NFS1: variants seen among roughly 807,000 people sequenced by gnomAD.
NFS1 encodes cysteine desulfurase.
A neutral mutation model predicts 57.3 loss-of-function variants in NFS1; 26 were observed. The ratio of observed to expected loss-of-function variants is 0.45; its 90% CI spans 0.33 to 0.63. The LOEUF is 0.63. NFS1 is among the 20% of genes least tolerant of loss of function. The pLI is 0.02. For synonymous variants in NFS1, 209 were observed against 216.3 expected (o/e 0.97, Z 0.30); for missense variants, 505 against 605.8 (o/e 0.83, Z 1.75).
chr20:35,668,745 T>G lies in NFS1; in HGVS notation c.*877A>C, dbSNP rs912230040. On this transcript the variant is annotated 3_prime_UTR_variant, in exon 13 of 13. Coordinates refer to ENST00000374092, the MANE Select transcript of NFS1 (RefSeq NM_021100.5). ...TATTTTCCATCTCTCCACTAAAATT[T>G]AAAACTCAGTGAGGGCAGGGTCTTT... The G allele has an allele frequency of 1.3e-5, 2 of 152,258 alleles. No homozygotes were observed. The highest frequency in any genetic ancestry group is 2.9e-5 in the Non-Finnish European group (2 of 68,050). 9.4% of individuals were successfully genotyped at this position (152,258 alleles called of 1,614,324 possible).
In NFS1 at chr20:35,692,361, G is replaced by A. The variant is rs763789252; in HGVS notation, c.409-1796C>T. The A allele has an allele frequency of 4.7e-5, 10 of 210,708 alleles. No homozygotes were observed. The South Asian group carries it at 5.9e-4, about 12-fold the overall frequency. The allele number at this position is 210,708 out of a possible 1,614,324, so 13.1% of individuals were successfully genotyped here. On this transcript the variant is annotated intron_variant, in intron 4 of 12. Coordinates refer to ENST00000374092, the MANE Select transcript of NFS1 (RefSeq NM_021100.5). ...TACACTCTAGCCTGGGCGACAGGGT[G>A]AGACTCCATCTCAAAATAAATAAAT... is the stretch of plus-strand genomic sequence containing the variant.
chr20:35,698,357 G>T, intron 2 of NFS1, 124 bp downstream of exon 2: 2 of 747,022 alleles, frequency 2.7e-6, no homozygotes, highest in Non-Finnish European at 2.2e-6. Flanking sequence ...CCGACTCCTC[G>T]CTCAGTGCTT....
rs999504503 is a variant in NFS1, at chr20:35,696,253, C to T, written c.408+124G>A. 4 of 710,170 alleles carry T rather than the reference C, an allele frequency of 5.6e-6. No individual in the cohort carries two copies. The African/African-American group carries it at 7.0e-5, about 13-fold the overall frequency. The allele number at this position is 710,170 out of a possible 1,614,324, so 44.0% of individuals were successfully genotyped here. On this transcript the variant is annotated intron_variant, in intron 4 of 12. Coordinates refer to ENST00000374092, the MANE Select transcript of NFS1 (RefSeq NM_021100.5). ...AGCAACAAATCAGAAAGACTGCAAG[C>T]CTTCTCTTCACAATGGGGTGGGGAT...
At chr20:35,679,794 A>G (rs549982147) in intron 7 of NFS1, among the ~76,000 whole-genome samples, 2 of 152,258 alleles carry the variant, frequency 1.3e-5, no homozygotes, top group East Asian at 3.9e-4. Context: ...CAGCACAGAC[A>G]TCAACCCAAA....
intron 4 of NFS1, among the ~76,000 whole-genome samples, chr20:35,694,311 G>A (rs1246060237): frequency 6.6e-6 from 1 of 151,994 alleles, no homozygotes; most frequent in African/African-American, 2.4e-5. Flanking sequence ...CACCCAGGTA[G>A]TTTTTGCATT....
intron 4 of NFS1, among the ~76,000 whole-genome samples, chr20:35,692,653 C>T (rs531470843): frequency 6.6e-6 from 1 of 150,460 alleles, no homozygotes; most frequent in African/African-American, 2.4e-5. Context: ...TGAGATCTGG[C>T]TACTGCACTC....
At chr20:35,674,282 A>G (rs1980451130) in intron 10 of NFS1, 68 bp downstream of exon 10, 3 of 1,219,854 alleles carry the variant, frequency 2.5e-6, no homozygotes, top group Admixed American at 3.4e-5. Flanking sequence ...CACACTGGGA[A>G]GTTTAATAGC....
intron 4 of NFS1, among the ~76,000 whole-genome samples, chr20:35,691,700 T>C (rs1413614551): frequency 7.4e-6 from 1 of 134,522 alleles, no homozygotes. Context: ...AAGAGTGCTA[T>C]TGCACTCCAG....
Position 35,680,771 on chromosome 20 carries a change from C to A in NFS1, c.756G>T (p.Met252Ile), listed in dbSNP as rs1339350428. Residue 252 changes from methionine (M) to isoleucine (I), a missense_variant, in exon 7 of 13, where the codon ATG (methionine) becomes ATT (isoleucine). Transcript: ENST00000374092. Reference protein sequence around the residue: ...LDVNDMKIDLMSISGHKIYGP... With the variant: ...LDVNDMKIDLISISGHKIYGP... ...CGTAGATTTTGTGACCACTAATGCT[C>A]ATGAGATCAATTTTCATGTCATTGA... 2 of 1,570,716 alleles carry A rather than the reference C, an allele frequency of 1.3e-6. No individual in the cohort carries two copies. The highest frequency in any genetic ancestry group is 2.7e-5 in the African/African-American group (2 of 72,814).
At chr20:35,697,917 AGAG>A (rs1251439865) in intron 2 of NFS1, 117 bp from the exon 3 acceptor site, 3 of 637,186 alleles carry the variant, frequency 4.7e-6, no homozygotes, top group Non-Finnish European at 8.4e-6. Flanking sequence ...GGCACTGCCT[AGAG>A]GAGGCCTCAA....
chr20:35,676,848 G>C (rs142304121), intron 7 of NFS1, among the ~76,000 whole-genome samples: 1 of 149,156 alleles, frequency 6.7e-6, no homozygotes, highest in East Asian at 2.0e-4. Context: ...GTGAGAGGCA[G>C]ACTTTTGTCT....
chr20:35,671,142 C>A (rs570918155), intron 12 of NFS1, among the ~76,000 whole-genome samples: 1 of 152,184 alleles, frequency 6.6e-6, no homozygotes, highest in Non-Finnish European at 1.5e-5. Context: ...CTTGCTCTGT[C>A]GCCCAGGCTG....
intron 3 of NFS1, among the ~76,000 whole-genome samples, chr20:35,697,358 C>G (rs1206773331): frequency 6.6e-6 from 1 of 151,650 alleles, no homozygotes; most frequent in Non-Finnish European, 1.5e-5. Flanking sequence ...TTCTTACTTA[C>G]AGATGTTGTG....
intron 8 of NFS1, 59 bp downstream of exon 8, chr20:35,674,986 C>A: frequency 1.9e-6 from 3 of 1,606,778 alleles, no homozygotes; most frequent in South Asian, 1.1e-5. Context: ...TGAGAAGCCT[C>A]TAAATAGGAG....
At chr20:35,681,787 G>A in intron 6 of NFS1, 101 bp downstream of exon 6, 1 of 650,164 alleles carries the variant, frequency 1.5e-6, no homozygotes, top group Non-Finnish European at 2.8e-6. Context: ...GCTTTCCCTT[G>A]ATTTCCTAAC....
At chr20:35,670,410 A>G (rs2034634402) in intron 12 of NFS1, among the ~76,000 whole-genome samples, 1 of 152,216 alleles carries the variant, frequency 6.6e-6, no homozygotes, top group Non-Finnish European at 1.5e-5. Context: ...CCCAGACCAG[A>G]TATTACTTCA....
chr20:35,684,817 A>G (rs1406360198), intron 5 of NFS1, among the ~76,000 whole-genome samples: 1 of 151,862 alleles, frequency 6.6e-6, no homozygotes, highest in Non-Finnish European at 1.5e-5. Flanking sequence ...CAATCCTAGC[A>G]CTTTGGGAGG....
intron 7 of NFS1, among the ~76,000 whole-genome samples, chr20:35,678,636 G>A (rs759784355): frequency 1.0e-3 from 155 of 152,094 alleles, no homozygotes; most frequent in Non-Finnish European, 1.5e-3. Context: ...CTGGGAGGCA[G>A]AGGTTGCAGC....
chr20:35,680,642 T>G, intron 7 of NFS1, 95 bp downstream of exon 7: 2 of 1,136,388 alleles, frequency 1.8e-6, no homozygotes, highest in Non-Finnish European at 2.4e-6. Context: ...CAACTTCCTC[T>G]GAGAGCAACA....
Sources: gnomAD v4.1 joint callset for allele counts (sites outside exome capture counted in the v4.1 genomes callset) on GRCh38, gnomAD v4.1.1 for gene constraint, MANE v1.5 for transcripts, NCBI Gene and HGNC (gene_info 2026-07-23, HGNC 2026-07-21) for gene names.